The following GMDS variants were observed in gnomAD, a reference collection of about 807,000 sequenced individuals.
GMDS encodes the protein GDP-mannose 4,6 dehydratase.
GMDS carries 20 observed loss-of-function variants against 49.9 expected under a neutral mutation model. That is an observed-to-expected ratio of 0.40 (90% CI 0.28 to 0.58). The LOEUF is 0.58. Among genes scored for constraint, GMDS ranks in the 20% least tolerant of loss-of-function variants. The pLI is 0.42. For missense variants in GMDS, 362 were observed against 481.4 expected, an observed-to-expected ratio of 0.75 and a Z score of 2.32; for synonymous variants, 177 against 178.6, an observed-to-expected ratio of 0.99 and a Z score of 0.07.
intron 9 of GMDS, among the ~76,000 whole-genome samples, chr6:1,663,169 T>G (rs1764133985): frequency 1.3e-5 from 2 of 152,188 alleles, no homozygotes; most frequent in African/African-American, 4.8e-5. Context: ...TCTTATGGCT[T>G]TTCTAGAACA....
intron 7 of GMDS, among the ~76,000 whole-genome samples, chr6:1,825,025 T>C (rs1432185272): frequency 6.6e-6 from 1 of 152,172 alleles, no homozygotes; most frequent in Non-Finnish European, 1.5e-5. Flanking sequence ...GAAGTCACTC[T>C]CTCTTGGGCC....
At chr6:1,990,189 A>G (rs938076586) in intron 4 of GMDS, among the ~76,000 whole-genome samples, 4 of 152,170 alleles carry the variant, frequency 2.6e-5, no homozygotes, top group African/African-American at 9.7e-5. Context: ...CCAGCTACCC[A>G]GGAGACTGAG....
chr6:2,169,756 A>C (rs1386530354), intron 1 of GMDS, among the ~76,000 whole-genome samples: 1 of 152,190 alleles, frequency 6.6e-6, no homozygotes, highest in Non-Finnish European at 1.5e-5. Context: ...TTTAACTTAC[A>C]CAACTCCTAC....
At chr6:1,794,158 C>T (rs1253520925) in intron 7 of GMDS, among the ~76,000 whole-genome samples, 2 of 152,166 alleles carry the variant, frequency 1.3e-5, no homozygotes, top group African/African-American at 2.4e-5. Context: ...GCCACTTTTC[C>T]AATGCCCTAT....
intron 1 of GMDS, among the ~76,000 whole-genome samples, chr6:2,243,919 G>C (rs1223561529): frequency 1.6e-5 from 2 of 122,388 alleles, no homozygotes; most frequent in Non-Finnish European, 3.2e-5. Context: ...GAGTACAGTG[G>C]TACCATCATT....
At chr6:2,097,463 A>G (rs1245938821) in intron 4 of GMDS, among the ~76,000 whole-genome samples, 2 of 152,178 alleles carry the variant, frequency 1.3e-5, no homozygotes, top group East Asian at 3.9e-4. Flanking sequence ...GAGGGGTGAA[A>G]CTGAATGTAA....
intron 7 of GMDS, among the ~76,000 whole-genome samples, chr6:1,893,461 C>T (rs1759990638): frequency 6.6e-6 from 1 of 152,154 alleles, no homozygotes; most frequent in Admixed American, 6.5e-5. Flanking sequence ...GCTGGGATTA[C>T]AGGTGTGAGC....
At chr6:1,940,473 G>C (rs1031045792) in intron 6 of GMDS, among the ~76,000 whole-genome samples, 2 of 152,212 alleles carry the variant, frequency 1.3e-5, no homozygotes, top group South Asian at 4.1e-4. Context: ...AACTGCCTGG[G>C]CCATGGCTCA....
At chr6:1,724,230 A>C (rs1766492589) in intron 9 of GMDS, among the ~76,000 whole-genome samples, 1 of 152,238 alleles carries the variant, frequency 6.6e-6, no homozygotes, top group African/African-American at 2.4e-5. Flanking sequence ...TGGAAAAATA[A>C]AGCAAGCATA....
chr6:2,102,384 T>C (rs1205491820), intron 4 of GMDS, among the ~76,000 whole-genome samples: 4 of 152,188 alleles, frequency 2.6e-5, no homozygotes, highest in African/African-American at 9.7e-5. Context: ...TGAAGAAAAT[T>C]AATATGCTGG....
intron 7 of GMDS, among the ~76,000 whole-genome samples, chr6:1,743,030 T>C (rs1174914063): frequency 6.6e-6 from 1 of 152,230 alleles, no homozygotes; most frequent in Non-Finnish European, 1.5e-5. Flanking sequence ...AAAAACCATT[T>C]AAAGACAGGT....
chr6:1,829,170 G>C (rs1479838063), intron 7 of GMDS, among the ~76,000 whole-genome samples: 1 of 152,170 alleles, frequency 6.6e-6, no homozygotes, highest in African/African-American at 2.4e-5. Context: ...TGATGTCTCA[G>C]GAGTGGCAGA....
At chr6:1,725,007 A>G (rs1374630778) in intron 9 of GMDS, among the ~76,000 whole-genome samples, 1 of 152,246 alleles carries the variant, frequency 6.6e-6, no homozygotes, top group African/African-American at 2.4e-5. Flanking sequence ...CTGAAACAAG[A>G]CATTTTAAAG....
chr6:2,087,210 A>C (rs555514900), intron 4 of GMDS, among the ~76,000 whole-genome samples: 1 of 152,362 alleles, frequency 6.6e-6, no homozygotes, highest in South Asian at 2.1e-4. Context: ...GGACAAGGAA[A>C]GCTGTCATGA....
intron 4 of GMDS, among the ~76,000 whole-genome samples, chr6:2,035,444 T>C (rs1485413654): frequency 6.6e-6 from 1 of 152,152 alleles, no homozygotes; most frequent in Non-Finnish European, 1.5e-5. Flanking sequence ...GATTCACCAC[T>C]ATACATCTCC....
chr6:1,957,377 A>C (rs565620262), intron 6 of GMDS, among the ~76,000 whole-genome samples: 144 of 152,354 alleles, frequency 9.5e-4, no homozygotes, highest in African/African-American at 3.4e-3. Context: ...TCTCCTTGGA[A>C]AACAACATTA....
intron 1 of GMDS, among the ~76,000 whole-genome samples, chr6:2,143,290 T>C (rs757516430): frequency 2.0e-5 from 3 of 152,208 alleles, no homozygotes; most frequent in South Asian, 2.1e-4. Context: ...CCCTGGGCTC[T>C]GGTCTCCCAC....
At chr6:1,759,430 G>A (rs1283283024) in intron 7 of GMDS, among the ~76,000 whole-genome samples, 2 of 152,304 alleles carry the variant, frequency 1.3e-5, no homozygotes, top group East Asian at 1.9e-4. Flanking sequence ...GTATTCTTGC[G>A]ACTGCATGAT....
chr6:1,969,289 A>AAAAAAAAGAG (rs56095985), intron 4 of GMDS, among the ~76,000 whole-genome samples: 1 of 84,354 alleles, frequency 1.2e-5, no homozygotes, highest in Non-Finnish European at 2.3e-5. Context: ...AAAAAAAAAA[A>AAAAAAAAGAG]AGAGAAAGAA....
Sources: allele counts gnomAD v4.1 joint callset (sites outside exome capture counted in the v4.1 genomes callset), GRCh38; gene constraint gnomAD v4.1.1; transcripts MANE v1.5; gene names NCBI Gene and HGNC (gene_info 2026-07-23, HGNC 2026-07-21).